Variants in GRM7 observed in about 807,000 individuals in gnomAD.
The protein encoded by GRM7 is metabotropic glutamate receptor 7.
Under a neutral mutation model 84.5 loss-of-function variants are expected in GRM7, and 35 were observed. The ratio of observed to expected loss-of-function variants is 0.41; its 90% CI spans 0.32 to 0.55. The LOEUF is 0.55. Among genes scored for constraint, GRM7 ranks in the 20% least tolerant of loss-of-function variants. The pLI is 0.19. For missense variants in GRM7, 1,003 were observed against 1,194.6 expected (o/e 0.84, Z 2.36); for synonymous variants, 487 against 455.1 (o/e 1.07, Z -0.89).
chr3:7,599,566 C>T (rs958961509), intron 8 of GRM7, among the ~76,000 whole-genome samples: 1 of 152,134 alleles, frequency 6.6e-6, no homozygotes, highest in Non-Finnish European at 1.5e-5. Flanking sequence ...GACATAGGGA[C>T]ATCTGTGCCT....
rs779305909 is a variant in GRM7, at chr3:6,861,869, G to A, written c.481G>A (p.Val161Ile). The A allele has an allele frequency of 6.2e-7, 1 of 1,613,824 alleles. No homozygotes were observed. The highest frequency in any genetic ancestry group is 1.3e-5 in the African/African-American group (1 of 75,054). Residue 161 changes from valine (V) to isoleucine (I), a missense_variant, in exon 1 of 10, where the codon GTC becomes ATC. By Grantham distance (29) the Val-to-Ile change is conservative (BLOSUM62 3). Around this residue, in one of 2 missense-constraint regions of GRM7, gnomAD observed 910 missense variants for 1,126.0 expected, o/e 0.81. Transcript: ENST00000357716. This position sits in a 1 kb window ranked among gnomAD's most constrained non-coding sequence, Gnocchi z 6.4. The stretch of plus-strand genomic sequence containing the variant: ...AGTGATTGGGGCTTCGGGGAGTTCG[G>A]TCTCCATCATGGTAGCCAACATCCT... ...VGVIGASGSS[V>I]SIMVANILRL...
At position 7,162,729 on chromosome 3, in the gene GRM7, A is replaced by ATTTTTTTTTTTTTTTTTTTTT. The variant is rs71063284; in HGVS notation, c.736+16089_736+16109dup. ...CAATCTCCCATTACTCCCATTTTTC[A>ATTTTTTTTTTTTTTTTTTTTT]TTTTTTTTTTTTTTTTTTTTTTTTT... On this transcript the variant is annotated intron_variant, in intron 2 of 9. Coordinates refer to ENST00000357716, the MANE Select transcript of GRM7 (RefSeq NM_000844.4). 1.6e-4 allele frequency among the ~76,000 whole-genome samples: 9 copies of ATTTTTTTTTTTTTTTTTTTTT among 54,718 alleles called. 1 individual carries two copies. Among genetic ancestry groups the ATTTTTTTTTTTTTTTTTTTTT allele is most frequent in the Admixed American group, 2.8e-4 (1 of 3,580 alleles). The allele number at this position is 54,718 out of a possible 152,430, so 35.9% of individuals were successfully genotyped here.
At chr3:7,294,047 C>T (rs550560625) in intron 2 of GRM7, among the ~76,000 whole-genome samples, 116 of 152,294 alleles carry the variant, frequency 7.6e-4, no homozygotes, top group Non-Finnish European at 4.4e-4. Flanking sequence ...ACGTTAATAG[C>T]CAATCTCTCT....
intron 2 of GRM7, among the ~76,000 whole-genome samples, chr3:7,172,349 A>T (rs987171910): frequency 6.6e-6 from 1 of 152,204 alleles, no homozygotes; most frequent in East Asian, 1.9e-4. Flanking sequence ...AAGGTAAGGA[A>T]GTGAACAGGA....
At chr3:7,050,807 GA>G (rs1696968398) in intron 1 of GRM7, among the ~76,000 whole-genome samples, 1 of 151,822 alleles carries the variant, frequency 6.6e-6, no homozygotes, top group African/African-American at 2.4e-5. Context: ...GCAATGTCTT[GA>G]TGTAATAGTT....
intron 8 of GRM7, among the ~76,000 whole-genome samples, chr3:7,661,867 A>G (rs977788270): frequency 3.4e-5 from 5 of 148,460 alleles, no homozygotes; most frequent in African/African-American, 1.2e-4. Flanking sequence ...CAATTTTTTA[A>G]CAAGTTCAGC....
intron 8 of GRM7, among the ~76,000 whole-genome samples, chr3:7,640,666 C>T (rs1698325710): frequency 6.6e-6 from 1 of 152,134 alleles, no homozygotes; most frequent in African/African-American, 2.4e-5. Context: ...CTATTTATAG[C>T]AATAGCTATA....
chr3:6,905,312 A>G (rs935056201), intron 1 of GRM7, among the ~76,000 whole-genome samples: 66 of 152,208 alleles, frequency 4.3e-4, no homozygotes, highest in Non-Finnish European at 8.2e-4. Context: ...GATTTTCTGT[A>G]CCATTTGTTA....
chr3:7,572,594 C>A (rs141212638), intron 7 of GRM7, among the ~76,000 whole-genome samples: 1 of 151,126 alleles, frequency 6.6e-6, no homozygotes, highest in East Asian at 2.0e-4. Context: ...CTGAAGCGGG[C>A]GGATCACAAG....
chr3:7,031,345 G>A lies in GRM7; in HGVS notation c.520-115107G>A, dbSNP rs573215581. On this transcript the variant is annotated intron_variant, in intron 1 of 9. Coordinates refer to ENST00000357716, the MANE Select transcript of GRM7 (RefSeq NM_000844.4). ...CAGATGCTGCCTTCATGTCCCCACC[G>A]TGAACTTCCTTGAATCCCATTAAAA... 1.8e-4 allele frequency among the ~76,000 whole-genome samples: 27 copies of A among 151,870 alleles called. No individual in the cohort carries two copies. The East Asian group carries it at 4.1e-3, about 23-fold the overall frequency.
intron 5 of GRM7, among the ~76,000 whole-genome samples, chr3:7,435,797 C>G (rs1394866846): frequency 1.4e-5 from 2 of 146,450 alleles, no homozygotes; most frequent in African/African-American, 5.0e-5. Flanking sequence ...ATGCCATTCT[C>G]TTTCCTCAGC....
At chr3:7,290,302 C>A (rs1699578027) in intron 2 of GRM7, among the ~76,000 whole-genome samples, 1 of 152,126 alleles carries the variant, frequency 6.6e-6, no homozygotes, top group Non-Finnish European at 1.5e-5. Flanking sequence ...TCACCATCTG[C>A]AAAATGGAAG....
chr3:7,628,467 T>C (rs1220982484), intron 8 of GRM7, among the ~76,000 whole-genome samples: 2 of 152,178 alleles, frequency 1.3e-5, no homozygotes, highest in African/African-American at 4.8e-5. Flanking sequence ...TTTAAAACTA[T>C]TTTGGATGTA....
intron 1 of GRM7, among the ~76,000 whole-genome samples, chr3:7,120,687 G>T (rs1330336733): frequency 6.6e-6 from 1 of 152,116 alleles, no homozygotes; most frequent in Non-Finnish European, 1.5e-5. Context: ...TTTGCCATTT[G>T]TGAAACCAAC....
intron 1 of GRM7, among the ~76,000 whole-genome samples, chr3:7,023,460 T>C (rs1343693664): frequency 6.6e-6 from 1 of 152,142 alleles, no homozygotes; most frequent in Non-Finnish European, 1.5e-5. Flanking sequence ...AGGTGCCTTG[T>C]GTTGGGGCAT....
At chr3:6,883,532 C>T (rs1385967635) in intron 1 of GRM7, among the ~76,000 whole-genome samples, 1 of 151,996 alleles carries the variant, frequency 6.6e-6, no homozygotes, top group East Asian at 1.9e-4. Context: ...GGATTATAGC[C>T]TCTATGAAAC....
chr3:7,662,976 G>C (rs1003517436), intron 8 of GRM7, among the ~76,000 whole-genome samples: 6 of 152,162 alleles, frequency 3.9e-5, no homozygotes, highest in African/African-American at 9.7e-5. Flanking sequence ...CTTAGTACTT[G>C]CTATAAATGT....
intron 7 of GRM7, among the ~76,000 whole-genome samples, chr3:7,542,921 C>T (rs1279847656): frequency 6.6e-6 from 1 of 152,172 alleles, no homozygotes; most frequent in Non-Finnish European, 1.5e-5. Context: ...TGCGTACTTT[C>T]TGCTCTCCAT....
chr3:6,884,706 TCTC>T (rs1453764634), intron 1 of GRM7, among the ~76,000 whole-genome samples: 1 of 151,910 alleles, frequency 6.6e-6, no homozygotes, highest in African/African-American at 2.4e-5. Flanking sequence ...TTCAAGCAAT[TCTC>T]CTGCCTCAGC....
Sources: gnomAD v4.1 joint callset for allele counts (sites outside exome capture counted in the v4.1 genomes callset) on GRCh38, gnomAD v4.1.1 for gene constraint, gnomAD v4.1.1 regional missense constraint, Gnocchi (gnomAD v3.1) non-coding constraint, MANE v1.5 for transcripts, NCBI Gene and HGNC (gene_info 2026-07-23, HGNC 2026-07-21) for gene names.